Variants in EDN1 observed in about 807,000 individuals in gnomAD.
The protein encoded by EDN1 is endothelin 1.
Under a neutral mutation model 21.7 loss-of-function variants are expected in EDN1, and 11 were observed. The ratio of observed to expected loss-of-function variants is 0.51; its 90% CI spans 0.32 to 0.84. EDN1 has a LOEUF of 0.84. EDN1 is among the 40% of genes least tolerant of loss of function. EDN1 has a pLI of 0.03. For missense variants in EDN1, 244 were observed against 262.3 expected, an observed-to-expected ratio of 0.93 and a Z score of 0.48; for synonymous variants, 85 against 90.6, an observed-to-expected ratio of 0.94 and a Z score of 0.35.
intron 3 of EDN1, 24 bp from the exon 4 acceptor site, chr6:12,294,237 G>GT (rs759606950): frequency 1.9e-6 from 3 of 1,614,126 alleles, no homozygotes; most frequent in Non-Finnish European, 2.5e-6. Context: ...TTGCTGAAAT[G>GT]TTTTTCCTTG....
chr6:12,251,356 G>T, the EDN1 span, among the ~76,000 whole-genome samples: 1 of 152,146 alleles, frequency 6.6e-6, no homozygotes, highest in African/African-American at 2.4e-5. Flanking sequence ...AAGCCAGTTG[G>T]CACACTATTT....
chr6:12,247,522 T>A, the EDN1 span, among the ~76,000 whole-genome samples: 3 of 141,386 alleles, frequency 2.1e-5, no homozygotes, highest in African/African-American at 5.7e-5. Context: ...ATTTCTTTTT[T>A]TTTTTCTTTC....
At chr6:12,294,482 TC>T (rs1762772294) in intron 4 of EDN1, 78 bp downstream of exon 4, 1 of 1,554,626 alleles carries the variant, frequency 6.4e-7, no homozygotes, top group Admixed American at 1.7e-5. Context: ...AGCAGCCTGT[TC>T]CTCCAGCCCT....
chr6:12,296,095 T>C lies in EDN1; in HGVS notation c.*28T>C. On this transcript the variant is annotated 3_prime_UTR_variant, in exon 5 of 5. Transcript: ENST00000379375. ...GACCTTCGGGGCCTGTCTGAAGCCA[T>C]AGCCTCCACGGAGAGCCCTGTGGCC... The C allele has an allele frequency of 6.2e-7, 1 of 1,600,156 alleles. No individual in the cohort carries two copies.
intron 4 of EDN1, among the ~76,000 whole-genome samples, chr6:12,294,918 G>GTTT (rs757628744): frequency 3.1e-5 from 1 of 32,706 alleles, no homozygotes; most frequent in Middle Eastern, 0.017. Context: ...CAGGTTTATG[G>GTTT]TCTTTTTTTT....
chr6:12,262,393 T>C, the EDN1 span, among the ~76,000 whole-genome samples: 25 of 152,284 alleles, frequency 1.6e-4, no homozygotes, highest in African/African-American at 4.8e-4. Context: ...AAATCTTGGC[T>C]GAGTTTTGAG....
upstream of EDN1, among the ~76,000 whole-genome samples, chr6:12,287,746 ACACACACAGGCGCGCGCGCGCGCGCG>A (rs1474899681): frequency 7.0e-6 from 1 of 143,852 alleles, no homozygotes; most frequent in Non-Finnish European, 1.5e-5. Context: ...ACACACACAC[ACACACACAGGCGCGCGCGCGCGCGCG>A]CAGGCACACG....
At chr6:12,290,774 A>G (rs1762658382) in intron 1 of EDN1, 81 bp downstream of exon 1, 2 of 1,284,770 alleles carry the variant, frequency 1.6e-6, no homozygotes, top group East Asian at 2.3e-5. Context: ...TCTTGCTTCT[A>G]TTTTTCCCCG....
At chr6:12,253,465 T>A in the EDN1 span, among the ~76,000 whole-genome samples, 1 of 152,068 alleles carries the variant, frequency 6.6e-6, no homozygotes, top group Non-Finnish European at 1.5e-5. Context: ...AATCACATAA[T>A]ACCTCAAGTC....
intron 2 of EDN1, among the ~76,000 whole-genome samples, chr6:12,292,807 C>T (rs547343128): frequency 6.6e-6 from 1 of 152,268 alleles, no homozygotes; most frequent in South Asian, 2.1e-4. Context: ...GGGACACTCT[C>T]ACAGTGGCAT....
chr6:12,276,714 A>C, the EDN1 span, among the ~76,000 whole-genome samples: 41 of 152,348 alleles, frequency 2.7e-4, no homozygotes, highest in African/African-American at 9.6e-4. Flanking sequence ...GGACAGCTTC[A>C]CTACAGGCAG....
chr6:12,292,009 G>T (rs1762693846), intron 1 of EDN1, among the ~76,000 whole-genome samples: 1 of 151,980 alleles, frequency 6.6e-6, no homozygotes, highest in South Asian at 2.1e-4. Context: ...GTAGAAGCCA[G>T]CCGGATTTTC....
the EDN1 span, among the ~76,000 whole-genome samples, chr6:12,251,441 T>C: frequency 1.3e-5 from 2 of 152,224 alleles, no homozygotes; most frequent in South Asian, 4.1e-4. Context: ...TATTTCTGTC[T>C]CCTAAATTTC....
chr6:12,246,302 A>G, the EDN1 span, among the ~76,000 whole-genome samples: 1,718 of 152,258 alleles, frequency 0.011, 26 homozygotes, highest in African/African-American at 0.04. Context: ...TTAGGGCCCA[A>G]GAGATAACAA....
the EDN1 span, among the ~76,000 whole-genome samples, chr6:12,230,667 G>T: frequency 6.6e-6 from 1 of 152,172 alleles, no homozygotes; most frequent in African/African-American, 2.4e-5. Flanking sequence ...CACCTTGTTT[G>T]ACCTCAGGTA....
chr6:12,293,806 T>A lies in EDN1; in HGVS notation c.234-135T>A, dbSNP rs574757234. The A allele has an allele frequency of 4.0e-6, 4 of 988,142 alleles. No individual in the cohort carries two copies. The African/African-American group carries it at 6.5e-5, about 16-fold the overall frequency. The allele number at this position is 988,142 out of a possible 1,614,324, so 61.2% of individuals were successfully genotyped here. A position where few individuals can be genotyped will look rare whatever the true frequency, so the allele number is the denominator to read the frequency against. ...CAGGTGTTCCTGGCTGTTGTTACACTTTACCCTCTGAAATGATGCTCCCAA... is the reference window on the plus strand; with the variant it reads ...CAGGTGTTCCTGGCTGTTGTTACACATTACCCTCTGAAATGATGCTCCCAA... On this transcript the variant is annotated intron_variant, in intron 2 of 4. Transcript: ENST00000379375.
the EDN1 span, among the ~76,000 whole-genome samples, chr6:12,255,217 G>T: frequency 6.6e-6 from 1 of 152,078 alleles, no homozygotes; most frequent in Non-Finnish European, 1.5e-5. Context: ...ATCCTTAAAA[G>T]AATTACAATT....
chr6:12,286,389 G>A (rs13198076), upstream of EDN1, among the ~76,000 whole-genome samples: 3,679 of 152,340 alleles, frequency 0.024, 63 homozygotes, highest in Non-Finnish European at 0.037. Context: ...GATGTGTGAT[G>A]TGTCACAGGC....
upstream of EDN1, among the ~76,000 whole-genome samples, chr6:12,288,221 G>A (rs1267173079): frequency 6.7e-6 from 1 of 150,324 alleles, no homozygotes; most frequent in African/African-American, 2.5e-5. Context: ...TCAGTGTTTG[G>A]TCAAAGTTGC....
Sources: gnomAD v4.1 joint callset for allele counts (sites outside exome capture counted in the v4.1 genomes callset) on GRCh38, gnomAD v4.1.1 for gene constraint, MANE v1.5 for transcripts, NCBI Gene and HGNC (gene_info 2026-07-23, HGNC 2026-07-21) for gene names.